Variants in KCNT2 observed in about 807,000 individuals in gnomAD.
The protein encoded by KCNT2 is potassium sodium-activated channel subfamily T member 2.
KCNT2 carries 67 observed loss-of-function variants against 153.8 expected under a neutral mutation model. That is an observed-to-expected ratio of 0.44 (90% CI 0.36 to 0.53). The LOEUF is 0.53. KCNT2 is among the 20% of genes least tolerant of loss of function. The pLI is 0.00. For missense variants in KCNT2, 975 were observed against 1,354.8 expected (o/e 0.72, Z 4.40); for synonymous variants, 500 against 458.8 (o/e 1.09, Z -1.15).
At chr1:196,307,964 T>C (rs1451936162) in intron 21 of KCNT2, among the ~76,000 whole-genome samples, 1 of 152,028 alleles carries the variant, frequency 6.6e-6, no homozygotes, top group Non-Finnish European at 1.5e-5. Flanking sequence ...TCACTAAAGA[T>C]ATTCACCATA....
chr1:196,505,216 A>C (rs930870917), intron 1 of KCNT2, among the ~76,000 whole-genome samples: 21 of 152,092 alleles, frequency 1.4e-4, no homozygotes, highest in Admixed American at 7.9e-4. Flanking sequence ...TTATGGTTTT[A>C]GGTCTAACGT....
chr1:196,240,728 C>T (rs1236097147), intron 26 of KCNT2, among the ~76,000 whole-genome samples: 1 of 151,912 alleles, frequency 6.6e-6, no homozygotes, highest in Non-Finnish European at 1.5e-5. Context: ...CAAGCTGGGA[C>T]CAGATTCTTG....
intron 8 of KCNT2, among the ~76,000 whole-genome samples, chr1:196,447,733 G>T (rs762682784): frequency 7.1e-4 from 108 of 151,418 alleles, no homozygotes; most frequent in Non-Finnish European, 1.4e-3. Context: ...AGGGTGAATA[G>T]TGGAGTAACT....
At chr1:196,299,810 A>G (rs1400589014) in intron 22 of KCNT2, among the ~76,000 whole-genome samples, 1 of 152,206 alleles carries the variant, frequency 6.6e-6, no homozygotes, top group East Asian at 1.9e-4. Context: ...TCATGTTTAT[A>G]ACAGCATCAT....
intron 21 of KCNT2, among the ~76,000 whole-genome samples, chr1:196,310,097 C>T (rs59729886): frequency 0.013 from 1,902 of 151,806 alleles, 43 homozygotes; most frequent in South Asian, 0.076. Flanking sequence ...CTGAAACTAG[C>T]TGTATTTGTA....
chr1:196,599,902 C>CA (rs1294373925), intron 1 of KCNT2, among the ~76,000 whole-genome samples: 1 of 152,166 alleles, frequency 6.6e-6, no homozygotes, highest in African/African-American at 2.4e-5. Context: ...TCCAGGTTCT[C>CA]AACTCTTTAC....
intron 22 of KCNT2, among the ~76,000 whole-genome samples, chr1:196,296,748 T>C (rs2147942461): frequency 6.6e-6 from 1 of 152,246 alleles, no homozygotes; most frequent in Non-Finnish European, 1.5e-5. Flanking sequence ...TGTTTTTTTA[T>C]TTGACTTGGG....
intron 1 of KCNT2, among the ~76,000 whole-genome samples, chr1:196,527,314 C>T (rs944568277): frequency 1.3e-5 from 2 of 152,098 alleles, no homozygotes; most frequent in East Asian, 1.9e-4. Context: ...TAATAAGCTT[C>T]AGTAACTTGT....
At chr1:196,282,560 AAC>A (rs1659216031) in intron 23 of KCNT2, among the ~76,000 whole-genome samples, 1 of 152,210 alleles carries the variant, frequency 6.6e-6, no homozygotes, top group African/African-American at 2.4e-5. Context: ...TTCATAAGGA[AAC>A]ACAGGAAATA....
intron 8 of KCNT2, 24 bp from the exon 9 acceptor site, chr1:196,429,781 A>T (rs1328391319): frequency 6.6e-7 from 1 of 1,517,388 alleles, no homozygotes; most frequent in Non-Finnish European, 8.9e-7. Context: ...TATGCATTAC[A>T]ATTAAATCTT....
intron 13 of KCNT2, among the ~76,000 whole-genome samples, chr1:196,390,828 C>T (rs1013578929): frequency 1.3e-5 from 2 of 150,500 alleles, no homozygotes; most frequent in Non-Finnish European, 3.0e-5. Flanking sequence ...AGTTTTAACA[C>T]CCCATTATAA....
At chr1:196,456,204 G>C (rs1309394899) in intron 8 of KCNT2, among the ~76,000 whole-genome samples, 1 of 151,946 alleles carries the variant, frequency 6.6e-6, no homozygotes, top group Non-Finnish European at 1.5e-5. Context: ...CTTCCTCCGG[G>C]AGTCTTTCTT....
At position 196,437,352 on chromosome 1, in the gene KCNT2, A is replaced by G. The variant is rs865796184; in HGVS notation, c.639-7595T>C. On this transcript the variant is annotated intron_variant, in intron 8 of 27. Transcript: ENST00000294725. ...AACATATTTTTATTTATTTTTATTA[A>G]TATATTTTTATTTATATATATTTTT... 1.8e-3 allele frequency among the ~76,000 whole-genome samples: 244 copies of G among 137,564 alleles called. 1 individual carries two copies. The highest frequency in any genetic ancestry group is 4.7e-3 in the African/African-American group (176 of 37,808). 90.2% of individuals were successfully genotyped at this position (137,564 alleles called of 152,430 possible). A position where few individuals can be genotyped will look rare whatever the true frequency, so the allele number is the denominator to read the frequency against.
chr1:196,282,649 T>G (rs1659226801), intron 23 of KCNT2, among the ~76,000 whole-genome samples: 1 of 152,202 alleles, frequency 6.6e-6, no homozygotes, highest in Non-Finnish European at 1.5e-5. Flanking sequence ...TTTAGAATTT[T>G]TAAAGCAAAA....
At chr1:196,392,180 G>A (rs1305588596) in intron 13 of KCNT2, among the ~76,000 whole-genome samples, 4 of 151,286 alleles carry the variant, frequency 2.6e-5, no homozygotes, top group African/African-American at 9.7e-5. Flanking sequence ...TGTAGATGGA[G>A]AGAATATGGT....
At chr1:196,285,072 A>G (rs1319439843) in intron 23 of KCNT2, among the ~76,000 whole-genome samples, 1 of 152,244 alleles carries the variant, frequency 6.6e-6, no homozygotes, top group Admixed American at 6.5e-5. Context: ...GACAAAAACG[A>G]TGATATTAGT....
intron 21 of KCNT2, among the ~76,000 whole-genome samples, chr1:196,311,552 T>C (rs761248904): frequency 1.3e-5 from 2 of 151,830 alleles, no homozygotes; most frequent in Non-Finnish European, 2.9e-5. Flanking sequence ...ATCTTTGTAT[T>C]AAAACAAAAT....
intron 1 of KCNT2, among the ~76,000 whole-genome samples, chr1:196,530,623 A>T (rs1456828815): frequency 6.6e-6 from 1 of 152,032 alleles, no homozygotes; most frequent in Non-Finnish European, 1.5e-5. Flanking sequence ...TGCTGAAATT[A>T]TGTTGTGTTT....
intron 12 of KCNT2, among the ~76,000 whole-genome samples, chr1:196,419,788 CT>C (rs1400385898): frequency 6.6e-6 from 1 of 151,934 alleles, no homozygotes; most frequent in Non-Finnish European, 1.5e-5. Flanking sequence ...ATATTTTCTT[CT>C]TTTTCTCCTA....
Sources: allele counts gnomAD v4.1 joint callset (sites outside exome capture counted in the v4.1 genomes callset), GRCh38; gene constraint gnomAD v4.1.1; transcripts MANE v1.5; gene names NCBI Gene and HGNC (gene_info 2026-07-23, HGNC 2026-07-21).